NCOA3: variants seen among roughly 807,000 people sequenced by gnomAD.
NCOA3 encodes the protein CBP-interacting protein.
In NCOA3, 51 loss-of-function variants were observed where a neutral mutation model predicts 158.8. The ratio of observed to expected loss-of-function variants is 0.32; its 90% CI spans 0.26 to 0.41. The LOEUF (loss-of-function observed/expected upper bound fraction) is 0.41, where lower values mean the gene tolerates loss of function less well. NCOA3 is among the 10% of genes least tolerant of loss of function. The pLI is 1.00. For missense variants in NCOA3, 1,510 were observed against 1,746.6 expected, an observed-to-expected ratio of 0.86 and a Z score of 2.41; for synonymous variants, 537 against 592.4, an observed-to-expected ratio of 0.91 and a Z score of 1.36.
intron 1 of NCOA3, among the ~76,000 whole-genome samples, chr20:47,530,739 A>G (rs1242369265): frequency 1.3e-5 from 2 of 152,212 alleles, no homozygotes; most frequent in African/African-American, 4.8e-5. Flanking sequence ...TGCTGGGATT[A>G]CAGGCGTGGG....
At chr20:47,514,600 C>T (rs1240341431) in intron 1 of NCOA3, among the ~76,000 whole-genome samples, 1 of 151,888 alleles carries the variant, frequency 6.6e-6, no homozygotes, top group African/African-American at 2.4e-5. Context: ...ACCATGTTGG[C>T]CTGGCTGGTC....
chr20:47,584,860 A>G (rs1346184763), intron 2 of NCOA3, among the ~76,000 whole-genome samples: 2 of 152,096 alleles, frequency 1.3e-5, no homozygotes, highest in South Asian at 2.1e-4. Context: ...ATGTATATAC[A>G]TACAAATACA....
At chr20:47,509,739 C>CA (rs886692008) in intron 1 of NCOA3, among the ~76,000 whole-genome samples, 2 of 151,906 alleles carry the variant, frequency 1.3e-5, no homozygotes, top group Admixed American at 6.6e-5. Flanking sequence ...AAGACCCCCC[C>CA]ATCTCTATTA....
rs72661192 is a variant in NCOA3 at position 47,539,421 on chromosome 20, T to A, written c.-99+37402T>A. 4.7e-4 allele frequency among the ~76,000 whole-genome samples: 72 copies of A among 152,378 alleles called. 2 individuals carry two copies. In the East Asian group the frequency reaches 0.013, roughly 27 times the overall value. On this transcript the variant is annotated intron_variant, in intron 1 of 22. Transcript: ENST00000371998. ...GGGAGGTATCTGTTTTGTTTACTGC[T>A]ATATCCTTAGTGCTCAGAATGGTGG...
At chr20:47,642,183 C>T (rs2086622495) in intron 16 of NCOA3, 30 bp from the exon 17 acceptor site, 6 of 1,516,058 alleles carry the variant, frequency 4.0e-6, no homozygotes. Flanking sequence ...AAAAAAGCAC[C>T]ATTGACATTG....
intron 20 of NCOA3, 89 bp from the exon 21 acceptor site, chr20:47,652,317 T>TAAA: frequency 3.9e-6 from 4 of 1,016,666 alleles, no homozygotes; most frequent in Non-Finnish European, 4.1e-6. Flanking sequence ...CCACCTCCTT[T>TAAA]AAAAAAAAAA....
At chr20:47,521,013 C>G (rs1242303266) in intron 1 of NCOA3, among the ~76,000 whole-genome samples, 5 of 152,236 alleles carry the variant, frequency 3.3e-5, no homozygotes, top group Admixed American at 1.3e-4. Flanking sequence ...ACACATTTAG[C>G]CCTTCAGAAT....
At chr20:47,601,721 G>A (rs958312584) in intron 2 of NCOA3, among the ~76,000 whole-genome samples, 1 of 152,142 alleles carries the variant, frequency 6.6e-6, no homozygotes, top group East Asian at 1.9e-4. Context: ...TATAAAGCCT[G>A]CATTATTTAG....
At chr20:47,638,827 G>A (rs909107001) in intron 13 of NCOA3, among the ~76,000 whole-genome samples, 181 bp from the exon 14 acceptor site, 2 of 151,736 alleles carry the variant, frequency 1.3e-5, no homozygotes, top group African/African-American at 4.8e-5. Context: ...TGGCTGGCAG[G>A]GGGGCGGGGG....
intron 1 of NCOA3, among the ~76,000 whole-genome samples, chr20:47,575,970 T>C (rs1381616584): frequency 6.6e-6 from 1 of 152,224 alleles, no homozygotes. Flanking sequence ...ATGTTAAATA[T>C]AGAATGTTGA....
At chr20:47,607,078 C>G (rs2085959929) in intron 2 of NCOA3, among the ~76,000 whole-genome samples, 1 of 152,188 alleles carries the variant, frequency 6.6e-6, no homozygotes, top group African/African-American at 2.4e-5. Context: ...TACAGTGATG[C>G]ATGGGTTAAA....
intron 14 of NCOA3, 62 bp downstream of exon 14, chr20:47,639,264 A>G (rs2076548): frequency 0.09 from 122,325 of 1,355,830 alleles, 6,797 homozygotes; most frequent in African/African-American, 0.24. Flanking sequence ...AAATACTTAA[A>G]GCCATCTAAA....
At chr20:47,614,654 C>T (rs1192835433) in intron 2 of NCOA3, among the ~76,000 whole-genome samples, 44 of 152,156 alleles carry the variant, frequency 2.9e-4, no homozygotes, top group Non-Finnish European at 4.4e-5. Context: ...CAATACTTGA[C>T]TGACCATTTT....
chr20:47,537,957 G>T (rs1179239997), intron 1 of NCOA3, among the ~76,000 whole-genome samples: 6 of 151,970 alleles, frequency 3.9e-5, no homozygotes, highest in Admixed American at 6.6e-5. Context: ...TTGGCTTACT[G>T]CAACCTCCAC....
At chr20:47,580,669 A>T (rs969807567) in intron 1 of NCOA3, among the ~76,000 whole-genome samples, 35 of 152,180 alleles carry the variant, frequency 2.3e-4, no homozygotes, top group Non-Finnish European at 2.6e-4. Context: ...AAAAAACATA[A>T]GAGAACCATT....
At chr20:47,527,789 C>T (rs1053406819) in intron 1 of NCOA3, among the ~76,000 whole-genome samples, 2 of 152,166 alleles carry the variant, frequency 1.3e-5, no homozygotes, top group African/African-American at 2.4e-5. Flanking sequence ...TATTAATATT[C>T]TCCTATGTTT....
At chr20:47,508,810 T>G (rs1476974983) in intron 1 of NCOA3, among the ~76,000 whole-genome samples, 1 of 152,218 alleles carries the variant, frequency 6.6e-6, no homozygotes, top group East Asian at 1.9e-4. Context: ...TTTTGTTAGC[T>G]TGTTACTTTG....
At chr20:47,513,292 A>G (rs1453528237) in intron 1 of NCOA3, among the ~76,000 whole-genome samples, 3 of 152,202 alleles carry the variant, frequency 2.0e-5, no homozygotes, top group East Asian at 3.8e-4. Flanking sequence ...TACCCTATAC[A>G]CAAATACGCA....
intron 1 of NCOA3, among the ~76,000 whole-genome samples, chr20:47,548,270 C>T (rs1159999251): frequency 6.6e-6 from 1 of 151,800 alleles, no homozygotes; most frequent in Non-Finnish European, 1.5e-5. Context: ...AGGCCAGGTG[C>T]GGTGGCCCAC....
Sources: gnomAD v4.1 joint callset for allele counts (sites outside exome capture counted in the v4.1 genomes callset) on GRCh38, gnomAD v4.1.1 for gene constraint, MANE v1.5 for transcripts, NCBI Gene and HGNC (gene_info 2026-07-23, HGNC 2026-07-21) for gene names.